KCNK13: variants seen among roughly 807,000 people sequenced by gnomAD.
KCNK13 encodes potassium channel subfamily K member 13.
KCNK13 carries 12 observed loss-of-function variants against 23.4 expected under a neutral mutation model. The observed-to-expected ratio is 0.51, with a 90% CI of 0.33 to 0.83. The LOEUF is 0.83. KCNK13 is among the 40% of genes least tolerant of loss of function. KCNK13 has a pLI of 0.02. For synonymous variants in KCNK13, 231 were observed against 229.5 expected (o/e 1.01, Z -0.06); for missense variants, 463 against 556.3 (o/e 0.83, Z 1.69).
chr14:90,181,197 G>T (rs1229787931), intron 1 of KCNK13, among the ~76,000 whole-genome samples: 3 of 152,188 alleles, frequency 2.0e-5, no homozygotes, highest in Non-Finnish European at 4.4e-5. Context: ...AGCCTTGGAT[G>T]CTGGGGTCAA....
intron 1 of KCNK13, among the ~76,000 whole-genome samples, chr14:90,167,220 C>G (rs1282991155): frequency 6.6e-6 from 1 of 152,156 alleles, no homozygotes; most frequent in Non-Finnish European, 1.5e-5. Flanking sequence ...GACAGTCAAA[C>G]AGCTTTGTGC....
At chr14:90,183,394 A>G (rs1477293483) in intron 1 of KCNK13, among the ~76,000 whole-genome samples, 1 of 152,136 alleles carries the variant, frequency 6.6e-6, no homozygotes, top group Non-Finnish European at 1.5e-5. Flanking sequence ...TGCCTGGAAC[A>G]TCCCGACTTC....
intron 1 of KCNK13, among the ~76,000 whole-genome samples, chr14:90,163,699 A>G (rs990532990): frequency 6.6e-6 from 1 of 151,874 alleles, no homozygotes; most frequent in East Asian, 1.9e-4. Flanking sequence ...TTATTTATTT[A>G]TTTATTTAGA....
intron 1 of KCNK13, among the ~76,000 whole-genome samples, chr14:90,076,382 C>T (rs1197452769): frequency 1.3e-5 from 2 of 152,168 alleles, no homozygotes; most frequent in Non-Finnish European, 2.9e-5. Context: ...CTCTCTTTTG[C>T]TCATAAAACA....
intron 1 of KCNK13, among the ~76,000 whole-genome samples, chr14:90,083,251 C>A (rs766306919): frequency 3.3e-5 from 5 of 152,162 alleles, no homozygotes; most frequent in Non-Finnish European, 5.9e-5. Context: ...AGCACCAAAG[C>A]TTTAAATTTT....
chr14:90,062,655 A>C lies in KCNK13; in HGVS notation c.334+116A>C. The C allele has an allele frequency of 2.6e-6, 2 of 761,276 alleles. No homozygotes were observed. The highest frequency in any genetic ancestry group is 2.0e-6 in the Non-Finnish European group (1 of 493,128). 47.2% of individuals were successfully genotyped at this position (761,276 alleles called of 1,614,324 possible). A position where few individuals can be genotyped will look rare whatever the true frequency, so the allele number is the denominator to read the frequency against. Reference sequence around the variant, plus strand: ...CCATCTGGGCGCCCAGCCAGACTCCACTGACATGAGCTGTCGCCTGATCAA... The same window carrying C: ...CCATCTGGGCGCCCAGCCAGACTCCCCTGACATGAGCTGTCGCCTGATCAA... On this transcript the variant is annotated intron_variant, in intron 1 of 1. Coordinates refer to ENST00000282146, the MANE Select transcript of KCNK13 (RefSeq NM_022054.4). The surrounding 1 kb of genome is among the most constrained non-coding windows in gnomAD (Gnocchi z 4.5).
intron 1 of KCNK13, among the ~76,000 whole-genome samples, chr14:90,166,030 A>T (rs1433503743): frequency 6.6e-6 from 1 of 152,238 alleles, no homozygotes; most frequent in Non-Finnish European, 1.5e-5. Flanking sequence ...TCTATTTATC[A>T]TACCCTCGTT....
intron 1 of KCNK13, among the ~76,000 whole-genome samples, chr14:90,097,624 C>G (rs1873116684): frequency 6.6e-6 from 1 of 152,184 alleles, no homozygotes; most frequent in Non-Finnish European, 1.5e-5. Context: ...CTGCCACAAA[C>G]TGTATTCCCC....
intron 1 of KCNK13, among the ~76,000 whole-genome samples, chr14:90,098,066 G>C (rs1418652761): frequency 6.6e-6 from 1 of 152,116 alleles, no homozygotes; most frequent in Non-Finnish European, 1.5e-5. Context: ...CTCTAGGCCT[G>C]CATCTCATGC....
chr14:90,123,240 A>G (rs1043830140), intron 1 of KCNK13, among the ~76,000 whole-genome samples: 5 of 152,202 alleles, frequency 3.3e-5, no homozygotes, highest in African/African-American at 1.2e-4. Context: ...TGGCTTAAAC[A>G]GCAGAAGTTT....
chr14:90,083,461 A>G (rs1889236250), intron 1 of KCNK13, among the ~76,000 whole-genome samples: 1 of 152,256 alleles, frequency 6.6e-6, no homozygotes. Flanking sequence ...GGTATGAAAC[A>G]TGGGTCTGCT....
intron 1 of KCNK13, among the ~76,000 whole-genome samples, chr14:90,097,823 A>G (rs561342046): frequency 6.6e-6 from 1 of 152,316 alleles, no homozygotes; most frequent in Admixed American, 6.5e-5. Flanking sequence ...CTCTTTAGAA[A>G]AAGAAATAGG....
rs1345489234 is a variant in KCNK13 at position 90,167,600 on chromosome 14, A to G, written c.335-16511A>G. Reference sequence around the variant, plus strand: ...AGTTCCTCAGATGGTTTTGATACCAATGGTTAAGGTGCCACACTAGAAAAC... The same window carrying G: ...AGTTCCTCAGATGGTTTTGATACCAGTGGTTAAGGTGCCACACTAGAAAAC... On this transcript the variant is annotated intron_variant, in intron 1 of 1. Transcript: ENST00000282146. Among the ~76,000 whole-genome samples, 2 of 152,184 alleles carry G rather than the reference A, an allele frequency of 1.3e-5. 1 individual carries two copies. Among genetic ancestry groups the G allele is most frequent in the African/African-American group, 4.8e-5 (2 of 41,448 alleles).
chr14:90,182,334 C>T (rs1890496534), intron 1 of KCNK13, among the ~76,000 whole-genome samples: 1 of 152,128 alleles, frequency 6.6e-6, no homozygotes, highest in East Asian at 1.9e-4. Flanking sequence ...GGTCATAACC[C>T]CAAAAGCCCA....
chr14:90,143,446 T>C (rs1209812332), intron 1 of KCNK13, among the ~76,000 whole-genome samples: 1 of 152,138 alleles, frequency 6.6e-6, no homozygotes, highest in African/African-American at 2.4e-5. Context: ...CTGCTACCCT[T>C]CAGCATCTTT....
chr14:90,147,923 C>T (rs929407600), intron 1 of KCNK13, among the ~76,000 whole-genome samples: 1 of 152,162 alleles, frequency 6.6e-6, no homozygotes, highest in Non-Finnish European at 1.5e-5. Flanking sequence ...GTAATCCCAG[C>T]ACTTTGGGAG....
chr14:90,089,016 G>T (rs1414177077), intron 1 of KCNK13, among the ~76,000 whole-genome samples: 1 of 152,144 alleles, frequency 6.6e-6, no homozygotes, highest in Non-Finnish European at 1.5e-5. Flanking sequence ...CCCAGTCTCG[G>T]ATATGTCTTT....
At chr14:90,090,202 G>A (rs1889325910) in intron 1 of KCNK13, among the ~76,000 whole-genome samples, 1 of 152,268 alleles carries the variant, frequency 6.6e-6, no homozygotes, top group Admixed American at 6.5e-5. Flanking sequence ...GCAGCCGGGA[G>A]GGAGGCTGTG....
intron 1 of KCNK13, among the ~76,000 whole-genome samples, chr14:90,122,747 G>A (rs1889754156): frequency 6.6e-6 from 1 of 152,140 alleles, no homozygotes; most frequent in Non-Finnish European, 1.5e-5. Context: ...GGAGACCAAA[G>A]GTATTATAAA....
Sources: gnomAD v4.1 joint callset for allele counts (sites outside exome capture counted in the v4.1 genomes callset) on GRCh38, gnomAD v4.1.1 for gene constraint, Gnocchi (gnomAD v3.1) non-coding constraint, MANE v1.5 for transcripts, NCBI Gene and HGNC (gene_info 2026-07-23, HGNC 2026-07-21) for gene names.